Variants in TIMM9 observed in about 807,000 individuals in gnomAD.
TIMM9 encodes the protein mitochondrial import inner membrane translocase subunit Tim9.
A neutral mutation model predicts 13.4 loss-of-function variants in TIMM9; 10 were observed. The observed-to-expected ratio is 0.75, with a 90% CI of 0.46 to 1.26. The LOEUF is 1.26. Among genes scored for constraint, TIMM9 ranks in the 50% most tolerant of loss-of-function variants. The probability of loss-of-function intolerance (pLI) is 0.00; values close to 1 mark genes in which losing one functional copy is unlikely to be tolerated. For missense variants in TIMM9, 87 were observed against 100.8 expected (o/e 0.86, Z 0.58); for synonymous variants, 32 against 32.1 (o/e 1.00, Z 0.01).
chr14:58,414,749 A>AAG, intron 3 of TIMM9, among the ~76,000 whole-genome samples: 1 of 151,472 alleles, frequency 6.6e-6, no homozygotes, highest in Admixed American at 6.6e-5. Context: ...AAAAAAAAAA[A>AAG]AAGAAAAAAA....
chr14:58,419,129 T>A (rs541888364), intron 3 of TIMM9, among the ~76,000 whole-genome samples: 42 of 151,984 alleles, frequency 2.8e-4, no homozygotes, highest in African/African-American at 9.9e-4. Flanking sequence ...CAGTGGAACA[T>A]AACAAAGAAT....
rs1262174701 is a variant in TIMM9 at position 58,408,610 on chromosome 14, G to C, written c.*424C>G. 6.2e-7 allele frequency: 1 copy of C among 1,603,496 alleles called. No homozygotes were observed. The highest frequency in any genetic ancestry group is 2.2e-5 in the East Asian group (1 of 44,804). ...AACATTTCAACGTATCCACAGTCCA[G>C]TGAGAATACTATGGTACCATACAGT... On this transcript the variant is annotated 3_prime_UTR_variant, in exon 6 of 6. Coordinates refer to ENST00000395159, the MANE Select transcript of TIMM9 (RefSeq NM_012460.4).
Position 58,424,076 on chromosome 14 carries a change from C to T in TIMM9, c.-95G>A, listed in dbSNP as rs2036667733. 1 of 152,150 alleles carries T rather than the reference C, an allele frequency of 6.6e-6. No homozygotes were observed. The highest frequency in any genetic ancestry group is 1.9e-4 in the East Asian group (1 of 5,192). The allele number at this position is 152,150 out of a possible 1,614,324, so 9.4% of individuals were successfully genotyped here. A position where few individuals can be genotyped will look rare whatever the true frequency, so the allele number is the denominator to read the frequency against. Reference sequence around the variant, plus strand: ...TGTCCAACCTTTGCTTGAATGTCTCCAATAAGGCCTGATTCTTACCTGAAA... The same window carrying T: ...TGTCCAACCTTTGCTTGAATGTCTCTAATAAGGCCTGATTCTTACCTGAAA... On this transcript the variant is annotated 5_prime_UTR_variant, in exon 3 of 6. Coordinates refer to ENST00000395159, the MANE Select transcript of TIMM9 (RefSeq NM_012460.4).
In TIMM9 at chr14:58,414,008, G is replaced by GAAAAAAAA. The variant is rs10656955; in HGVS notation, c.-26-2045_-26-2038dup. ...GGTGACAGAGTGAGATTCCGTCTCA[G>GAAAAAAAA]AAAAAAAAAAAAAAAAAAAAAAAAA... On this transcript the variant is annotated intron_variant, in intron 3 of 5. Transcript: ENST00000395159. Among the ~76,000 whole-genome samples the GAAAAAAAA allele has an allele frequency of 4.5e-3, 110 of 24,182 alleles. 29 individuals carry two copies. Among genetic ancestry groups the GAAAAAAAA allele is most frequent in the East Asian group, 5.5e-3 (4 of 726 alleles). 15.9% of individuals were successfully genotyped at this position (24,182 alleles called of 152,430 possible).
In TIMM9 at chr14:58,409,288, A is replaced by C. The variant is rs2036132014; in HGVS notation, c.136-120T>G. On this transcript the variant is annotated intron_variant, in intron 5 of 5. Coordinates refer to ENST00000395159, the MANE Select transcript of TIMM9 (RefSeq NM_012460.4). Reference sequence around the variant, plus strand: ...TTCTTTGAATATATCTGAGAATTAAATAGTACTAATTGGCAGCAACTGACC... The same window carrying C: ...TTCTTTGAATATATCTGAGAATTAACTAGTACTAATTGGCAGCAACTGACC... The C allele has an allele frequency of 4.5e-6, 5 of 1,114,220 alleles. No individual in the cohort carries two copies. The South Asian group carries it at 5.9e-5, about 13-fold the overall frequency. 69.0% of individuals were successfully genotyped at this position (1,114,220 alleles called of 1,614,324 possible).
chr14:58,411,563 G>T (rs1207420578), intron 4 of TIMM9, among the ~76,000 whole-genome samples: 3 of 150,056 alleles, frequency 2.0e-5, no homozygotes, highest in African/African-American at 4.9e-5. Flanking sequence ...TTTTTGAGAT[G>T]GAGTCTTGCT....
intron 3 of TIMM9, among the ~76,000 whole-genome samples, chr14:58,417,550 G>A (rs1316609624): frequency 1.3e-4 from 18 of 139,378 alleles, no homozygotes; most frequent in Admixed American, 2.9e-4. Context: ...AGAAAGGGGA[G>A]GGAGAGAGGG....
chr14:58,415,399 A>G (rs1421286302), intron 3 of TIMM9, among the ~76,000 whole-genome samples: 2 of 152,198 alleles, frequency 1.3e-5, no homozygotes, highest in African/African-American at 4.8e-5. Context: ...ATTGATTAAT[A>G]TGTGTTAGGA....
intron 3 of TIMM9, among the ~76,000 whole-genome samples, chr14:58,418,850 AAT>A (rs945961765): frequency 6.6e-6 from 1 of 152,152 alleles, no homozygotes; most frequent in African/African-American, 2.4e-5. Flanking sequence ...CAGAAGACTC[AAT>A]ATAGTAAGAA....
At chr14:58,414,083 T>TA (rs573059324) in intron 3 of TIMM9, among the ~76,000 whole-genome samples, 230 of 132,608 alleles carry the variant, frequency 1.7e-3, no homozygotes, top group Non-Finnish European at 2.8e-3. Flanking sequence ...AAACAGCATG[T>TA]AAAAGGAAAA....
chr14:58,408,917 G>T lies in TIMM9; in HGVS notation c.*117C>A. 1 of 1,446,804 alleles carries T rather than the reference G, an allele frequency of 6.9e-7. No individual in the cohort carries two copies. The highest frequency in any genetic ancestry group is 1.4e-5 in the South Asian group (1 of 71,166). 89.6% of individuals were successfully genotyped at this position (1,446,804 alleles called of 1,614,324 possible). A position where few individuals can be genotyped will look rare whatever the true frequency, so the allele number is the denominator to read the frequency against. On this transcript the variant is annotated 3_prime_UTR_variant, in exon 6 of 6. Coordinates refer to ENST00000395159, the MANE Select transcript of TIMM9 (RefSeq NM_012460.4). ...CGGTTTCCATTTGCCAAACAGTCAT[G>T]ACAGATGGTTGAACATGGTGGCTAC... is the stretch of plus-strand genomic sequence containing the variant.
At chr14:58,414,907 T>C (rs1257602800) in intron 3 of TIMM9, among the ~76,000 whole-genome samples, 1 of 152,068 alleles carries the variant, frequency 6.6e-6, no homozygotes, top group Non-Finnish European at 1.5e-5. Context: ...AGTAATGAGG[T>C]ACCCATCTCC....
At chr14:58,421,881 C>T (rs768227139) in intron 3 of TIMM9, among the ~76,000 whole-genome samples, 3 of 152,158 alleles carry the variant, frequency 2.0e-5, no homozygotes, top group Non-Finnish European at 2.9e-5. Flanking sequence ...TAGACCTGAG[C>T]CTTTTGAATT....
intron 3 of TIMM9, among the ~76,000 whole-genome samples, chr14:58,419,889 C>T (rs553222974): frequency 6.6e-6 from 1 of 152,218 alleles, no homozygotes; most frequent in Admixed American, 6.5e-5. Flanking sequence ...TGCACTCCAG[C>T]CTGGGTGACA....
At chr14:58,414,087 A>C (rs2140321002) in intron 3 of TIMM9, among the ~76,000 whole-genome samples, 1 of 151,360 alleles carries the variant, frequency 6.6e-6, no homozygotes, top group South Asian at 2.1e-4. Context: ...AGCATGTAAA[A>C]GGAAAACATG....
At chr14:58,411,386 T>C (rs2036209641) in intron 4 of TIMM9, among the ~76,000 whole-genome samples, 1 of 151,406 alleles carries the variant, frequency 6.6e-6, no homozygotes, top group Non-Finnish European at 1.5e-5. Flanking sequence ...AGATGGAGGT[T>C]GCAGTGAACC....
intron 5 of TIMM9, among the ~76,000 whole-genome samples, chr14:58,409,571 T>TTTTA (rs897459931): frequency 1.1e-4 from 16 of 152,098 alleles, no homozygotes; most frequent in East Asian, 3.9e-4. Context: ...CTTATTTTAA[T>TTTTA]TTTATTTATT....
intron 5 of TIMM9, among the ~76,000 whole-genome samples, chr14:58,409,634 A>G (rs1209764708): frequency 6.6e-6 from 1 of 152,154 alleles, no homozygotes; most frequent in Non-Finnish European, 1.5e-5. Context: ...GCTTGAGTGC[A>G]GTGGCGTGAT....
At position 58,427,407 on chromosome 14, in the gene TIMM9, T is replaced by TAG. The variant is rs370158049; in HGVS notation, c.-320_-319insCT. On this transcript the variant is annotated 5_prime_UTR_variant, in exon 1 of 6. Coordinates refer to ENST00000395159, the MANE Select transcript of TIMM9 (RefSeq NM_012460.4). ...CCTAATTTACCTAATCCCACGTCCC[T>TAG]AACGGTCTTCGGAAGCGAAGCAGTG... 2.3e-4 allele frequency: 132 copies of TAG among 569,010 alleles called. 1 individual carries two copies. The African/African-American group carries it at 2.4e-3, about 10-fold the overall frequency. 35.2% of individuals were successfully genotyped at this position (569,010 alleles called of 1,614,324 possible). A position where few individuals can be genotyped will look rare whatever the true frequency, so the allele number is the denominator to read the frequency against.
Sources: gnomAD v4.1 joint callset for allele counts (sites outside exome capture counted in the v4.1 genomes callset) on GRCh38, gnomAD v4.1.1 for gene constraint, MANE v1.5 for transcripts, NCBI Gene and HGNC (gene_info 2026-07-23, HGNC 2026-07-21) for gene names.